Variants in ANO5 observed in about 807,000 individuals in gnomAD.
ANO5 encodes anoctamin 5.
Under a neutral mutation model 121.0 loss-of-function variants are expected in ANO5, and 109 were observed. That is an observed-to-expected ratio of 0.90 (90% CI 0.77 to 1.06). The LOEUF is 1.06. Ranked by LOEUF, ANO5 falls within the 50% of genes least tolerant of loss-of-function variation. The probability of loss-of-function intolerance (pLI) is 0.00; values close to 1 mark genes in which losing one functional copy is unlikely to be tolerated. For missense variants in ANO5, 1,064 were observed against 1,078.5 expected (o/e 0.99, Z 0.19); for synonymous variants, 406 against 359.9 (o/e 1.13, Z -1.45).
intron 17 of ANO5, among the ~76,000 whole-genome samples, chr11:22,265,149 T>TA (rs1290774077): frequency 6.6e-6 from 1 of 152,134 alleles, no homozygotes; most frequent in Non-Finnish European, 1.5e-5. Flanking sequence ...ATTCAATTCA[T>TA]ACCCAGATTC....
intron 5 of ANO5, among the ~76,000 whole-genome samples, chr11:22,222,734 C>T (rs1251993012): frequency 9.7e-5 from 14 of 144,040 alleles, no homozygotes; most frequent in Middle Eastern, 3.4e-3. Flanking sequence ...ACCCTACCTA[C>T]TAAATGCCAG....
In ANO5 at chr11:22,250,731, C is replaced by A; in HGVS notation, c.1014-10C>A. On this transcript the variant is annotated splice_polypyrimidine_tract_variant and intron_variant, in intron 10 of 21. Transcript: ENST00000324559. ...ATCACTGTTCAATAACTTTGCTGTT[C>A]CTCTTGCAGCACTGAAATCTGTGAC... 6.2e-7 allele frequency: 1 copy of A among 1,612,708 alleles called. No individual in the cohort carries two copies. The highest frequency in any genetic ancestry group is 1.1e-5 in the South Asian group (1 of 91,030).
Position 22,201,017 on chromosome 11 carries a change from G to A in ANO5, c.41-2787G>A, listed in dbSNP as rs140816662. Among the ~76,000 whole-genome samples the A allele has an allele frequency of 2.9e-3, 443 of 152,200 alleles. 3 individuals are homozygous for A. The highest frequency in any genetic ancestry group is 0.01 in the African/African-American group (423 of 41,532). On this transcript the variant is annotated intron_variant, in intron 1 of 21. Transcript: ENST00000324559. ...CAAGTCCCTTATATAAAATGCCATA[G>A]TATTTGCATATAACCTATGCACATC...
chr11:22,239,689 G>A lies in ANO5; in HGVS notation c.878+5G>A, dbSNP rs1590266575. ...GCAGCCTTTAGACTTGATTAAGTAAGTTTCATACACAGGATCAGACCAATT... is the reference window on the plus strand; with the variant it reads ...GCAGCCTTTAGACTTGATTAAGTAAATTTCATACACAGGATCAGACCAATT... On this transcript the variant is annotated splice_donor_5th_base_variant and intron_variant, in intron 9 of 21. Transcript: ENST00000324559. 1 of 1,572,440 alleles carries A rather than the reference G, an allele frequency of 6.4e-7. No homozygotes were observed. Among genetic ancestry groups the A allele is most frequent in the Non-Finnish European group, 8.8e-7 (1 of 1,142,540 alleles).
chr11:22,208,672 A>G (rs377092437), intron 2 of ANO5, among the ~76,000 whole-genome samples: 1 of 151,986 alleles, frequency 6.6e-6, no homozygotes, highest in Admixed American at 6.6e-5. Context: ...CATTGTACTC[A>G]TGTCAGCTTC....
At chr11:22,255,985 T>C (rs1853990013) in intron 13 of ANO5, among the ~76,000 whole-genome samples, 2 of 152,190 alleles carry the variant, frequency 1.3e-5, no homozygotes, top group Admixed American at 1.3e-4. Context: ...AAATAGTATT[T>C]ATATTAAGAT....
At chr11:22,224,253 T>G (rs896540481) in intron 5 of ANO5, among the ~76,000 whole-genome samples, 3 of 152,018 alleles carry the variant, frequency 2.0e-5, no homozygotes, top group African/African-American at 7.2e-5. Flanking sequence ...TTTTATGATT[T>G]TATATACATT....
intron 16 of ANO5, among the ~76,000 whole-genome samples, 164 bp from the exon 17 acceptor site, chr11:22,262,782 C>T (rs189247356): frequency 2.4e-4 from 36 of 152,320 alleles, no homozygotes; most frequent in Admixed American, 1.5e-3. Context: ...GCTAGCCTGG[C>T]ACTGGTCTGT....
chr11:22,201,491 A>G (rs950533042), intron 1 of ANO5, among the ~76,000 whole-genome samples: 1 of 152,188 alleles, frequency 6.6e-6, no homozygotes, highest in Non-Finnish European at 1.5e-5. Context: ...AAGGATGTGA[A>G]GAATTACCCA....
chr11:22,267,997 A>T (rs1854434531), intron 17 of ANO5, among the ~76,000 whole-genome samples: 2 of 152,140 alleles, frequency 1.3e-5, no homozygotes, highest in Non-Finnish European at 2.9e-5. Context: ...CATTTGCTTT[A>T]TCCACTCTAC....
At chr11:22,214,438 T>C (rs1189824006) in intron 3 of ANO5, among the ~76,000 whole-genome samples, 1 of 151,884 alleles carries the variant, frequency 6.6e-6, no homozygotes, top group Non-Finnish European at 1.5e-5. Flanking sequence ...TTAGGCCTAC[T>C]CAGTGTAGGA....
In ANO5 at chr11:22,278,510, CCTTAT is replaced by C. The variant is rs150116491; in HGVS notation, c.2521-1033_2521-1029del. 5.7e-3 allele frequency among the ~76,000 whole-genome samples: 844 copies of C among 149,162 alleles called. 8 individuals carry two copies. The highest frequency in any genetic ancestry group is 0.02 in the African/African-American group (799 of 40,258). On this transcript the variant is annotated intron_variant, in intron 21 of 21. Coordinates refer to ENST00000324559, the MANE Select transcript of ANO5 (RefSeq NM_213599.3). ...TTCTACTTTTTTCTTTTACTCCTTT[CCTTAT>C]ATCTGGTTCTTTTCCTTTTTTTTTT...
intron 3 of ANO5, among the ~76,000 whole-genome samples, chr11:22,217,808 G>C (rs564813962): frequency 6.6e-6 from 1 of 151,334 alleles, no homozygotes; most frequent in Admixed American, 6.6e-5. Flanking sequence ...GAGAGAAGCA[G>C]GAAAAATAAC....
At chr11:22,247,806 A>G (rs1853674243) in intron 9 of ANO5, among the ~76,000 whole-genome samples, 1 of 152,112 alleles carries the variant, frequency 6.6e-6, no homozygotes, top group African/African-American at 2.4e-5. Context: ...GGGCTGATGG[A>G]GCATATAAAG....
chr11:22,251,058 G>A, intron 12 of ANO5, 47 bp downstream of exon 12: 1 of 1,537,614 alleles, frequency 6.5e-7, no homozygotes, highest in South Asian at 1.1e-5. Context: ...CTATTAATGT[G>A]TTGTTTTGCC....
In ANO5 at chr11:22,280,765, T is replaced by C. The variant is rs905589167; in HGVS notation, c.*1000T>C. 6.6e-6 allele frequency: 1 copy of C among 152,038 alleles called. No individual in the cohort carries two copies. The highest frequency in any genetic ancestry group is 2.4e-5 in the African/African-American group (1 of 41,450). 9.4% of individuals were successfully genotyped at this position (152,038 alleles called of 1,614,324 possible). ...ATATTTTAATAAGTTTACAACCTTT[T>C]CTATTGATGTATCATCTTATACAAT... On this transcript the variant is annotated 3_prime_UTR_variant, in exon 22 of 22. Coordinates refer to ENST00000324559, the MANE Select transcript of ANO5 (RefSeq NM_213599.3).
At chr11:22,221,899 A>G (rs1852665947) in intron 5 of ANO5, among the ~76,000 whole-genome samples, 1 of 152,028 alleles carries the variant, frequency 6.6e-6, no homozygotes, top group African/African-American at 2.4e-5. Flanking sequence ...ATAAAAAATG[A>G]AGATATTATT....
chr11:22,270,507 T>C, intron 18 of ANO5, 65 bp downstream of exon 18: 1 of 1,598,214 alleles, frequency 6.3e-7, no homozygotes, highest in Non-Finnish European at 8.6e-7. Context: ...CAGCTCCAGA[T>C]ACTTCTTTCT....
intron 12 of ANO5, among the ~76,000 whole-genome samples, chr11:22,252,756 T>A (rs920946629): frequency 6.6e-6 from 1 of 152,210 alleles, no homozygotes; most frequent in African/African-American, 2.4e-5. Flanking sequence ...CACTGAGAGA[T>A]AATGTAAGAT....
Sources: gnomAD v4.1 joint callset for allele counts (sites outside exome capture counted in the v4.1 genomes callset) on GRCh38, gnomAD v4.1.1 for gene constraint, MANE v1.5 for transcripts, NCBI Gene and HGNC (gene_info 2026-07-23, HGNC 2026-07-21) for gene names.